The following PDLIM5 variants were observed in gnomAD, a reference collection of about 807,000 sequenced individuals.
PDLIM5 encodes PDZ and LIM domain protein 5.
In PDLIM5, 34 loss-of-function variants were observed where a neutral mutation model predicts 64.2. The observed-to-expected ratio is 0.53, with a 90% CI of 0.40 to 0.71. The LOEUF is 0.71. PDLIM5 is among the 30% of genes least tolerant of loss of function. PDLIM5 has a pLI of 0.00. For missense variants in PDLIM5, 683 were observed against 733.6 expected, an observed-to-expected ratio of 0.93 and a Z score of 0.80; for synonymous variants, 253 against 269.1, an observed-to-expected ratio of 0.94 and a Z score of 0.59.
intron 5 of PDLIM5, among the ~76,000 whole-genome samples, chr4:94,583,922 T>A (rs1735950894): frequency 6.6e-6 from 1 of 152,238 alleles, no homozygotes; most frequent in African/African-American, 2.4e-5. Context: ...ATGCAAGTCT[T>A]ATTTCTCAGA....
At chr4:94,643,732 A>G (rs901341655) in intron 9 of PDLIM5, among the ~76,000 whole-genome samples, 2 of 152,120 alleles carry the variant, frequency 1.3e-5, no homozygotes, top group Admixed American at 1.3e-4. Context: ...TATACAGCCA[A>G]TCCATTGTTT....
chr4:94,467,444 G>C (rs1267014222), intron 2 of PDLIM5, among the ~76,000 whole-genome samples: 1 of 151,830 alleles, frequency 6.6e-6, no homozygotes, highest in African/African-American at 2.4e-5. Context: ...CTCCTGAGTA[G>C]CTGGGATTAC....
chr4:94,585,125 C>G, intron 5 of PDLIM5: 1 of 596,948 alleles, frequency 1.7e-6, no homozygotes, highest in South Asian at 2.2e-5. Context: ...GAGTCTCGCT[C>G]TGTTGCCCAG....
chr4:94,556,574 C>T (rs956265810), intron 3 of PDLIM5, among the ~76,000 whole-genome samples: 9 of 152,134 alleles, frequency 5.9e-5, no homozygotes, highest in Non-Finnish European at 2.9e-5. Flanking sequence ...CCTGTTGTTT[C>T]CTGACTTTTT....
chr4:94,544,855 C>G (rs1022584611), intron 3 of PDLIM5, among the ~76,000 whole-genome samples: 11 of 152,140 alleles, frequency 7.2e-5, no homozygotes, highest in Non-Finnish European at 4.4e-5. Flanking sequence ...GCTTAGGTAA[C>G]CTCTGTTTTG....
intron 8 of PDLIM5, among the ~76,000 whole-genome samples, chr4:94,619,383 G>T (rs562732620): frequency 1.4e-5 from 2 of 144,938 alleles, no homozygotes; most frequent in Non-Finnish European, 3.0e-5. Context: ...GCTCACGCCT[G>T]TAATCCCAGC....
At chr4:94,466,263 A>G (rs535983764) in intron 2 of PDLIM5, among the ~76,000 whole-genome samples, 1 of 152,314 alleles carries the variant, frequency 6.6e-6, no homozygotes, top group African/African-American at 2.4e-5. Context: ...CCACTGGGCC[A>G]GGTCTGTGTG....
At chr4:94,654,311 A>G in intron 9 of PDLIM5, 149 bp from the exon 10 acceptor site, 1 of 590,050 alleles carries the variant, frequency 1.7e-6, no homozygotes, top group Non-Finnish European at 3.1e-6. Flanking sequence ...CTGTGAATTT[A>G]CAACACCCAA....
chr4:94,571,222 A>T (rs577167088), intron 3 of PDLIM5, among the ~76,000 whole-genome samples: 272 of 152,334 alleles, frequency 1.8e-3, no homozygotes, highest in African/African-American at 6.2e-3. Flanking sequence ...AGTTTTTAAC[A>T]TAGTCAGTTA....
intron 2 of PDLIM5, among the ~76,000 whole-genome samples, chr4:94,493,078 T>C (rs1727015069): frequency 1.3e-5 from 2 of 152,206 alleles, no homozygotes; most frequent in South Asian, 4.1e-4. Context: ...AGTGGTATCA[T>C]TGTGCTTTTA....
At chr4:94,561,527 C>CTAAA (rs1733846549) in intron 3 of PDLIM5, among the ~76,000 whole-genome samples, 1 of 152,132 alleles carries the variant, frequency 6.6e-6, no homozygotes, top group Non-Finnish European at 1.5e-5. Flanking sequence ...TTTTAAAGAT[C>CTAAA]ACAGCATGGA....
At chr4:94,479,414 C>T (rs1315480996) in intron 2 of PDLIM5, among the ~76,000 whole-genome samples, 5 of 149,808 alleles carry the variant, frequency 3.3e-5, no homozygotes, top group Admixed American at 1.3e-4. Context: ...GCAGCCTTGA[C>T]CTTCCAGGGC....
chr4:94,496,786 C>T (rs1057059349), intron 2 of PDLIM5, among the ~76,000 whole-genome samples: 1 of 152,190 alleles, frequency 6.6e-6, no homozygotes, highest in Non-Finnish European at 1.5e-5. Context: ...AGCCACCCCG[C>T]CCAGCCCAGA....
In PDLIM5 at chr4:94,664,829, C is replaced by G; in HGVS notation, c.*762C>G. 2.1e-6 allele frequency: 1 copy of G among 472,106 alleles called. No individual in the cohort carries two copies. The allele number at this position is 472,106 out of a possible 1,614,324, so 29.2% of individuals were successfully genotyped here. On this transcript the variant is annotated 3_prime_UTR_variant, in exon 13 of 13. Coordinates refer to ENST00000317968, the MANE Select transcript of PDLIM5 (RefSeq NM_006457.5). ...AGGTTGCAGTGAGCCAAGATCGTAC[C>G]ACTGCACTCCAGCCTGGGTGACAGA...
chr4:94,554,757 C>T (rs906629833), intron 3 of PDLIM5, among the ~76,000 whole-genome samples: 7 of 120,582 alleles, frequency 5.8e-5, no homozygotes, highest in African/African-American at 2.2e-4. Flanking sequence ...TAACAAAATA[C>T]CTTTGGTATC....
chr4:94,539,969 TG>T (rs1273762727), intron 3 of PDLIM5, among the ~76,000 whole-genome samples: 3 of 152,022 alleles, frequency 2.0e-5, no homozygotes, highest in Admixed American at 6.6e-5. Context: ...AATGGGAAAC[TG>T]TGGAAGAGTT....
At chr4:94,624,188 C>T (rs898952342) in intron 8 of PDLIM5, among the ~76,000 whole-genome samples, 12 of 151,414 alleles carry the variant, frequency 7.9e-5, no homozygotes, top group African/African-American at 2.9e-4. Context: ...CATGGTGGTG[C>T]ACGCCTATGG....
intron 7 of PDLIM5, among the ~76,000 whole-genome samples, chr4:94,603,083 TG>T (rs936126506): frequency 6.6e-6 from 1 of 152,158 alleles, no homozygotes; most frequent in African/African-American, 2.4e-5. Context: ...CTAATGTGAC[TG>T]GAGTTCAGTG....
intron 2 of PDLIM5, among the ~76,000 whole-genome samples, chr4:94,518,361 A>G (rs1233290820): frequency 1.3e-5 from 2 of 152,196 alleles, no homozygotes; most frequent in Non-Finnish European, 2.9e-5. Flanking sequence ...TTGTTTGTGG[A>G]TAAGTTTTCC....
Sources: gnomAD v4.1 joint callset for allele counts (sites outside exome capture counted in the v4.1 genomes callset) on GRCh38, gnomAD v4.1.1 for gene constraint, MANE v1.5 for transcripts, NCBI Gene and HGNC (gene_info 2026-07-23, HGNC 2026-07-21) for gene names.